MCTP1: variants seen among roughly 807,000 people sequenced by gnomAD.
MCTP1 encodes the protein multiple C2 and transmembrane domain-containing protein 1.
MCTP1 carries 69 observed loss-of-function variants against 120.6 expected under a neutral mutation model. The observed-to-expected ratio is 0.57, with a 90% CI of 0.47 to 0.70. MCTP1 has a LOEUF of 0.70. Ranked by LOEUF, MCTP1 falls within the 30% of genes least tolerant of loss-of-function variation. MCTP1 has a pLI of 0.00. For missense variants in MCTP1, 1,203 were observed against 1,248.8 expected (o/e 0.96, Z 0.55); for synonymous variants, 529 against 493.1 (o/e 1.07, Z -0.96).
At chr5:94,804,499 C>T (rs185002631) in intron 17 of MCTP1, among the ~76,000 whole-genome samples, 22 of 152,088 alleles carry the variant, frequency 1.4e-4, no homozygotes, top group Admixed American at 5.9e-4. Flanking sequence ...GGTGCAGTGG[C>T]GCGATGTCGG....
At chr5:95,104,176 C>A (rs1238152918) in intron 1 of MCTP1, among the ~76,000 whole-genome samples, 2 of 152,150 alleles carry the variant, frequency 1.3e-5, no homozygotes, top group African/African-American at 4.8e-5. Flanking sequence ...GACTTACCCC[C>A]CCTCCCAAGT....
intron 5 of MCTP1, among the ~76,000 whole-genome samples, chr5:94,934,193 A>G (rs34846897): frequency 0.043 from 6,514 of 151,734 alleles, 189 homozygotes; most frequent in Middle Eastern, 0.089. Context: ...AGAAAAATTA[A>G]AAAGAAAATT....
intron 3 of MCTP1, among the ~76,000 whole-genome samples, chr5:94,952,982 G>C (rs946877955): frequency 1.3e-5 from 2 of 152,124 alleles, no homozygotes; most frequent in African/African-American, 4.8e-5. Context: ...AAGCACAAGG[G>C]ATACACTTCA....
intron 17 of MCTP1, among the ~76,000 whole-genome samples, chr5:94,856,823 C>A (rs1247208729): frequency 6.6e-6 from 1 of 151,650 alleles, no homozygotes; most frequent in Non-Finnish European, 1.5e-5. Flanking sequence ...GTGGCCTCTA[C>A]CAAAAGTCCT....
intron 19 of MCTP1, among the ~76,000 whole-genome samples, chr5:94,722,906 T>C: frequency 6.6e-6 from 1 of 152,168 alleles, no homozygotes; most frequent in South Asian, 2.1e-4. Context: ...CACTACTTTC[T>C]CTAGTTCACT....
intron 1 of MCTP1, among the ~76,000 whole-genome samples, chr5:95,211,436 C>T (rs1752358703): frequency 6.6e-6 from 1 of 152,144 alleles, no homozygotes; most frequent in Non-Finnish European, 1.5e-5. Context: ...CATCTTCCAT[C>T]ACTGATACCC....
intron 1 of MCTP1, among the ~76,000 whole-genome samples, chr5:95,055,477 A>C (rs1177371976): frequency 6.6e-6 from 1 of 152,268 alleles, no homozygotes; most frequent in Non-Finnish European, 1.5e-5. Context: ...CATTTAAAAA[A>C]TATTAACTGA....
Position 95,204,501 on chromosome 5 carries a change from A to G in MCTP1, c.720+79355T>C, listed in dbSNP as rs143280627. ...TGTTTGCTCTCTTCACATCTATTCA[A>G]CACTGCACTAGAGATTCTTGCCAGG... is the stretch of plus-strand genomic sequence containing the variant. On this transcript the variant is annotated intron_variant, in intron 1 of 22. Coordinates refer to ENST00000515393, the MANE Select transcript of MCTP1 (RefSeq NM_024717.7). Among the ~76,000 whole-genome samples the G allele has an allele frequency of 1.7e-3, 258 of 152,318 alleles. 2 individuals are homozygous for G. The highest frequency in any genetic ancestry group is 5.9e-3 in the African/African-American group (244 of 41,572).
At chr5:94,757,025 CTTTG>C (rs1218876174) in intron 19 of MCTP1, among the ~76,000 whole-genome samples, 1 of 152,078 alleles carries the variant, frequency 6.6e-6, no homozygotes, top group East Asian at 1.9e-4. Context: ...TAATTTCGGC[CTTTG>C]TTTGTGACTT....
intron 2 of MCTP1, among the ~76,000 whole-genome samples, chr5:94,954,205 T>TGC (rs1554151392): frequency 7.5e-6 from 1 of 132,524 alleles, no homozygotes; most frequent in Non-Finnish European, 1.6e-5. Context: ...TATATATATA[T>TGC]GCCATGGAAT....
intron 19 of MCTP1, among the ~76,000 whole-genome samples, chr5:94,753,261 C>T (rs1419716142): frequency 6.6e-6 from 1 of 152,146 alleles, no homozygotes; most frequent in Non-Finnish European, 1.5e-5. Flanking sequence ...TATTCTACTC[C>T]CTACACTTAT....
intron 1 of MCTP1, among the ~76,000 whole-genome samples, chr5:95,185,527 T>C (rs767402458): frequency 6.6e-6 from 1 of 152,214 alleles, no homozygotes; most frequent in Non-Finnish European, 1.5e-5. Flanking sequence ...CTCATACCTG[T>C]AATCCCAGTA....
At chr5:95,153,316 C>A (rs984500439) in intron 1 of MCTP1, among the ~76,000 whole-genome samples, 3 of 152,180 alleles carry the variant, frequency 2.0e-5, no homozygotes, top group African/African-American at 7.2e-5. Context: ...CCTGAGGCCT[C>A]CCCAGCTATG....
At chr5:94,943,448 G>C (rs1461024139) in intron 3 of MCTP1, among the ~76,000 whole-genome samples, 1 of 152,058 alleles carries the variant, frequency 6.6e-6, no homozygotes, top group Non-Finnish European at 1.5e-5. Flanking sequence ...ATAGTTCAGA[G>C]CTAGATCAGT....
chr5:94,787,122 G>A (rs973134389), intron 18 of MCTP1, among the ~76,000 whole-genome samples: 1 of 152,158 alleles, frequency 6.6e-6, no homozygotes, highest in Non-Finnish European at 1.5e-5. Flanking sequence ...TCAGTGAAAC[G>A]CCCTGTTCTT....
At chr5:94,915,054 C>T (rs1809700326) in intron 8 of MCTP1, among the ~76,000 whole-genome samples, 1 of 152,140 alleles carries the variant, frequency 6.6e-6, no homozygotes, top group South Asian at 2.1e-4. Context: ...GCAAAGAAAA[C>T]AAATGTTGTG....
At chr5:94,822,113 A>T (rs752072657) in intron 17 of MCTP1, among the ~76,000 whole-genome samples, 7 of 152,170 alleles carry the variant, frequency 4.6e-5, no homozygotes, top group Non-Finnish European at 1.0e-4. Flanking sequence ...CAGAACATGC[A>T]GGTTTGTTAC....
intron 19 of MCTP1, among the ~76,000 whole-genome samples, chr5:94,715,865 CT>C (rs1452823158): frequency 6.6e-6 from 1 of 152,190 alleles, no homozygotes; most frequent in Non-Finnish European, 1.5e-5. Flanking sequence ...ACTTTAACTT[CT>C]TTTGAACACT....
chr5:94,833,138 A>C (rs1469504273), intron 17 of MCTP1, among the ~76,000 whole-genome samples: 2 of 152,224 alleles, frequency 1.3e-5, no homozygotes, highest in Admixed American at 6.5e-5. Flanking sequence ...CTGGTGGACA[A>C]TTTTTTAAAG....
Sources: allele counts gnomAD v4.1 joint callset (sites outside exome capture counted in the v4.1 genomes callset), GRCh38; gene constraint gnomAD v4.1.1; transcripts MANE v1.5; gene names NCBI Gene and HGNC (gene_info 2026-07-23, HGNC 2026-07-21).